SLC12A2: variants seen among roughly 807,000 people sequenced by gnomAD.
SLC12A2 encodes Na-K-2Cl cotransporter 1.
Under a neutral mutation model 136.3 loss-of-function variants are expected in SLC12A2, and 67 were observed. The observed-to-expected ratio is 0.49, with a 90% CI of 0.40 to 0.60. The LOEUF (loss-of-function observed/expected upper bound fraction) is 0.60. SLC12A2 is among the 20% of genes least tolerant of loss of function. SLC12A2 has a pLI of 0.00. For missense variants in SLC12A2, 1,322 were observed against 1,534.7 expected, an observed-to-expected ratio of 0.86 and a Z score of 2.32; for synonymous variants, 619 against 562.9, an observed-to-expected ratio of 1.10 and a Z score of -1.41.
At chr5:128,162,120 G>A (rs547596516) in intron 17 of SLC12A2, among the ~76,000 whole-genome samples, 2 of 152,206 alleles carry the variant, frequency 1.3e-5, no homozygotes, top group African/African-American at 4.8e-5. Flanking sequence ...CTTCTGATCC[G>A]TTTCTGTTGT....
At chr5:128,131,313 A>C in intron 5 of SLC12A2, 107 bp downstream of exon 5, 1 of 1,116,410 alleles carries the variant, frequency 9.0e-7, no homozygotes. Context: ...TGACCAAGAG[A>C]TTCGTCCTTC....
intron 22 of SLC12A2, among the ~76,000 whole-genome samples, chr5:128,179,248 C>A (rs1763625751): frequency 6.6e-6 from 1 of 152,178 alleles, no homozygotes. Context: ...TCACCACTAT[C>A]TTTAGGATCC....
intron 20 of SLC12A2, among the ~76,000 whole-genome samples, chr5:128,176,235 G>C (rs1423045463): frequency 1.3e-5 from 2 of 151,960 alleles, no homozygotes; most frequent in African/African-American, 2.4e-5. Context: ...AAGCTTAAGA[G>C]GTAGGTACTA....
intron 15 of SLC12A2, among the ~76,000 whole-genome samples, chr5:128,156,705 A>G (rs1762880666): frequency 6.6e-6 from 1 of 152,204 alleles, no homozygotes; most frequent in Non-Finnish European, 1.5e-5. Context: ...GATTTGCTGT[A>G]CTTTGGTCAC....
intron 20 of SLC12A2, among the ~76,000 whole-genome samples, chr5:128,176,837 A>T (rs1278120205): frequency 6.6e-6 from 1 of 152,080 alleles, no homozygotes; most frequent in Admixed American, 6.6e-5. Context: ...TAAACATTTT[A>T]AAAATATGCT....
rs2126708437 is a variant in SLC12A2 at position 128,138,909 on chromosome 5, GTAAA to G, written c.1621+4_1621+7del. On this transcript the variant is annotated splice_donor_variant and splice_donor_5th_base_variant and intron_variant, in intron 9 of 26. Coordinates refer to ENST00000262461, the MANE Select transcript of SLC12A2 (RefSeq NM_001046.3). LOFTEE classifies it high-confidence loss of function. ...TACGTAGGAATTGCAGTATCTGTAGGTAAATAGTTTCACATTTCTTTATGTGTCG... is the reference window on the plus strand; with the variant it reads ...TACGTAGGAATTGCAGTATCTGTAGGTAGTTTCACATTTCTTTATGTGTCG... 1 of 1,596,394 alleles carries G rather than the reference GTAAA, an allele frequency of 6.3e-7. No homozygotes were observed. The highest frequency in any genetic ancestry group is 1.1e-5 in the South Asian group (1 of 89,998).
intron 5 of SLC12A2, among the ~76,000 whole-genome samples, chr5:128,132,451 G>A (rs1561677712): frequency 6.6e-6 from 1 of 152,210 alleles, no homozygotes; most frequent in Non-Finnish European, 1.5e-5. Flanking sequence ...GGAAGATAAT[G>A]CCATTTGCGG....
chr5:128,143,146 G>A (rs975704830), intron 10 of SLC12A2, among the ~76,000 whole-genome samples: 7 of 151,992 alleles, frequency 4.6e-5, no homozygotes, highest in African/African-American at 7.2e-5. Flanking sequence ...GTAGTTTTCA[G>A]CATATACGTC....
chr5:128,105,319 GA>G (rs1376641429), intron 1 of SLC12A2, among the ~76,000 whole-genome samples: 2 of 152,134 alleles, frequency 1.3e-5, no homozygotes, highest in Non-Finnish European at 2.9e-5. Flanking sequence ...GATAACCATG[GA>G]AAATACGGGA....
intron 1 of SLC12A2, among the ~76,000 whole-genome samples, chr5:128,090,122 T>A (rs1760256115): frequency 6.6e-6 from 1 of 152,228 alleles, no homozygotes; most frequent in African/African-American, 2.4e-5. Flanking sequence ...TTCCCCCAGG[T>A]GTACACTGAC....
chr5:128,181,984 C>T (rs1285049141), intron 23 of SLC12A2, among the ~76,000 whole-genome samples: 2 of 145,410 alleles, frequency 1.4e-5, no homozygotes. Flanking sequence ...TCACAATATA[C>T]TTTTATACCT....
At chr5:128,167,088 A>G (rs918738320) in intron 17 of SLC12A2, among the ~76,000 whole-genome samples, 8 of 152,132 alleles carry the variant, frequency 5.3e-5, no homozygotes, top group Non-Finnish European at 1.2e-4. Context: ...GAGATGATTT[A>G]TAGAATAAGG....
chr5:128,128,153 G>T (rs1299250245), intron 4 of SLC12A2, among the ~76,000 whole-genome samples: 1 of 152,086 alleles, frequency 6.6e-6, no homozygotes, highest in African/African-American at 2.4e-5. Flanking sequence ...TTCTGTTGTG[G>T]TCAGTAATAT....
chr5:128,119,693 T>C (rs903862431), intron 4 of SLC12A2, among the ~76,000 whole-genome samples: 2 of 152,152 alleles, frequency 1.3e-5, no homozygotes, highest in Admixed American at 6.5e-5. Context: ...TCCTTACACC[T>C]TATAAAAAAT....
At chr5:128,183,307 A>G (rs1343924575) in intron 24 of SLC12A2, among the ~76,000 whole-genome samples, 1 of 152,052 alleles carries the variant, frequency 6.6e-6, no homozygotes, top group East Asian at 1.9e-4. Context: ...CAATAGTTGC[A>G]TTCAGAATTC....
intron 4 of SLC12A2, among the ~76,000 whole-genome samples, chr5:128,120,502 A>G (rs1243131321): frequency 6.6e-6 from 1 of 151,752 alleles, no homozygotes; most frequent in East Asian, 1.9e-4. Flanking sequence ...AATGTGGCAC[A>G]TATACACCAT....
intron 1 of SLC12A2, among the ~76,000 whole-genome samples, chr5:128,085,757 A>T (rs1004636186): frequency 6.6e-6 from 1 of 152,194 alleles, no homozygotes; most frequent in Non-Finnish European, 1.5e-5. Flanking sequence ...TTTGGATATG[A>T]TTATTTGATC....
rs374964334 is a variant in SLC12A2 at position 128,114,217 on chromosome 5, T to C, written c.882T>C (p.Arg294=). The change falls in exon 3 of 27, where the codon CGT becomes CGC. Residue 294 remains arginine, a synonymous_variant. Transcript: ENST00000262461. ...GCCTCTTTTTCCCTCTTTAGGTACG[T>C]TGTATGTTAAACATTTGGGGTGTGA... ...KFGWIKGVLV[R]CMLNIWGVML... The C allele has an allele frequency of 5.6e-6, 9 of 1,612,472 alleles. 1 individual carries two copies. The highest frequency in any genetic ancestry group is 5.9e-6 in the Non-Finnish European group (7 of 1,178,862).
chr5:128,131,139 T>C lies in SLC12A2; in HGVS notation c.1121T>C (p.Phe374Ser). 6.2e-7 allele frequency: 1 copy of C among 1,614,186 alleles called. No individual in the cohort carries two copies. Among genetic ancestry groups the C allele is most frequent in the Non-Finnish European group, 8.5e-7 (1 of 1,179,998 alleles). The change falls in exon 5 of 27, where the codon TTT (phenylalanine) becomes TCT (serine). Residue 374 changes from phenylalanine (F) to serine (S), a missense_variant. Coordinates refer to ENST00000262461, the MANE Select transcript of SLC12A2 (RefSeq NM_001046.3). The part of the protein sequence containing the change: ...FGGAIGLIFA[F>S]ANAVAVAMYV... Reference sequence around the variant, plus strand: ...GGTGCAATTGGTCTAATCTTCGCCTTTGCCAACGCTGTTGCAGTTGCTATG... The same window carrying C: ...GGTGCAATTGGTCTAATCTTCGCCTCTGCCAACGCTGTTGCAGTTGCTATG...
Sources: gnomAD v4.1 joint callset for allele counts (sites outside exome capture counted in the v4.1 genomes callset) on GRCh38, gnomAD v4.1.1 for gene constraint, MANE v1.5 for transcripts, NCBI Gene and HGNC (gene_info 2026-07-23, HGNC 2026-07-21) for gene names.